Variants in CDC42EP4 observed in about 807,000 individuals in gnomAD.
CDC42EP4 encodes the protein CDC42 effector protein (Rho GTPase binding) 4.
CDC42EP4 carries 6 observed loss-of-function variants against 5.6 expected under a neutral mutation model. The observed-to-expected ratio is 1.07, with a 90% CI of 0.59 to 2.12. CDC42EP4 has a LOEUF of 2.12. Ranked by LOEUF, CDC42EP4 falls within the 30% of genes most tolerant of loss-of-function variation. The probability of loss-of-function intolerance (pLI) is 0.00; values close to 1 mark genes in which losing one functional copy is unlikely to be tolerated. For missense variants in CDC42EP4, 490 were observed against 508.6 expected, an observed-to-expected ratio of 0.96 and a Z score of 0.35; for synonymous variants, 230 against 224.2, an observed-to-expected ratio of 1.03 and a Z score of -0.23.
Position 73,304,272 on chromosome 17 carries a change from TTCTTC to T in CDC42EP4, c.-113+7616_-113+7620del, listed in dbSNP as rs201921332. Among the ~76,000 whole-genome samples the T allele has an allele frequency of 5.0e-3, 704 of 141,648 alleles. 7 individuals carry two copies. Among genetic ancestry groups the T allele is most frequent in the African/African-American group, 0.018 (675 of 36,676 alleles). The allele number at this position is 141,648 out of a possible 152,430, so 92.9% of individuals were successfully genotyped here. On this transcript the variant is annotated intron_variant, in intron 1 of 1. Coordinates refer to ENST00000335793, the MANE Select transcript of CDC42EP4 (RefSeq NM_012121.5). The stretch of plus-strand genomic sequence containing the variant: ...TTTGATTAAACTGTCTCTTTTCTTC[TTCTTC>T]TTTTTTTTTTTTTTCCTGAGAGAGG...
intron 1 of CDC42EP4, among the ~76,000 whole-genome samples, chr17:73,300,735 A>G (rs2062214785): frequency 6.6e-6 from 1 of 152,162 alleles, no homozygotes. Flanking sequence ...ATTTATACAC[A>G]TAAAAATAAA....
intron 1 of CDC42EP4, among the ~76,000 whole-genome samples, chr17:73,290,733 C>T (rs576976441): frequency 1.3e-5 from 2 of 152,184 alleles, no homozygotes; most frequent in Non-Finnish European, 2.9e-5. Flanking sequence ...ATGGTCAGAA[C>T]CGGGTGAGAA....
chr17:73,287,236 C>T (rs1161358850), intron 1 of CDC42EP4, among the ~76,000 whole-genome samples: 1 of 152,216 alleles, frequency 6.6e-6, no homozygotes, highest in Non-Finnish European at 1.5e-5. Context: ...CTGGGACCCA[C>T]AGAACCAGCT....
chr17:73,296,229 CAA>C (rs10562107), intron 1 of CDC42EP4, among the ~76,000 whole-genome samples: 35,941 of 138,462 alleles, frequency 0.26, 4,989 homozygotes, highest in Middle Eastern at 0.33. Context: ...ACTAAAAATA[CAA>C]AAAAAAAAAA....
In CDC42EP4 at chr17:73,286,280, G is replaced by A. The variant is rs757263032; in HGVS notation, c.221C>T (p.Ser74Phe). Residue 74 changes from serine (S) to phenylalanine (F), a missense_variant, in exon 2 of 2, where the codon TCC becomes TTC. Physicochemically the swap from Ser to Phe is radical, Grantham distance 155 (BLOSUM62 -2). Coordinates refer to ENST00000335793, the MANE Select transcript of CDC42EP4 (RefSeq NM_012121.5). This position sits in a 1 kb window ranked among gnomAD's most constrained non-coding sequence, Gnocchi z 7.7. ...CTTCCTGGACAGGAGACTGCGTTTG[G>A]AAGATGAAGAAGAGGGCTGTTCGTC... is the stretch of plus-strand genomic sequence containing the variant. ...SLDEQPSSSS[S>F]KRSLLSRKFR... 4 of 1,614,126 alleles carry A rather than the reference G, an allele frequency of 2.5e-6. No individual in the cohort carries two copies. In the African/African-American group the frequency reaches 5.3e-5, roughly 22 times the overall value.
chr17:73,301,974 G>C (rs968198645), intron 1 of CDC42EP4, among the ~76,000 whole-genome samples: 5 of 152,142 alleles, frequency 3.3e-5, no homozygotes, highest in Admixed American at 6.6e-5. Flanking sequence ...ACAGGCGTGA[G>C]CCACCATGCC....
At chr17:73,305,894 G>C (rs908162031) in intron 1 of CDC42EP4, among the ~76,000 whole-genome samples, 4 of 152,124 alleles carry the variant, frequency 2.6e-5, no homozygotes, top group African/African-American at 4.8e-5. Context: ...GGGTTCCCAG[G>C]ATTATCTGAT....
chr17:73,311,151 C>T (rs1391643), intron 1 of CDC42EP4: 100,044 of 152,090 alleles, frequency 0.66, 32,920 homozygotes, highest in Middle Eastern at 0.68. Context: ...GCCCTCCCCC[C>T]GCACCCCGCC....
At chr17:73,301,169 T>C (rs900292816) in intron 1 of CDC42EP4, among the ~76,000 whole-genome samples, 4 of 152,242 alleles carry the variant, frequency 2.6e-5, no homozygotes, top group Non-Finnish European at 5.9e-5. Context: ...AATATCTCAT[T>C]AATATTTTAG....
In CDC42EP4 at chr17:73,285,414, C is replaced by T. The variant is rs2062126414; in HGVS notation, c.*16G>A. 2.0e-6 allele frequency: 3 copies of T among 1,531,958 alleles called. No individual in the cohort carries two copies. Among genetic ancestry groups the T allele is most frequent in the Non-Finnish European group, 2.6e-6 (3 of 1,133,130 alleles). 94.9% of individuals were successfully genotyped at this position (1,531,958 alleles called of 1,614,324 possible). The stretch of plus-strand genomic sequence containing the variant: ...AGATGCAGCCAAGAGCTCCCGGTGG[C>T]CACCCACTGTCCGCCTCACACACGG... On this transcript the variant is annotated 3_prime_UTR_variant, in exon 2 of 2. Transcript: ENST00000335793. This position sits in a 1 kb window ranked among gnomAD's most constrained non-coding sequence, Gnocchi z 6.8.
At chr17:73,305,014 G>C (rs1032775785) in intron 1 of CDC42EP4, among the ~76,000 whole-genome samples, 1 of 152,184 alleles carries the variant, frequency 6.6e-6, no homozygotes, top group African/African-American at 2.4e-5. Context: ...CAGGCCAGGG[G>C]AGAAGCAGGT....
chr17:73,290,638 T>C (rs1364204795), intron 1 of CDC42EP4, among the ~76,000 whole-genome samples: 2 of 152,260 alleles, frequency 1.3e-5, no homozygotes, highest in East Asian at 1.9e-4. Context: ...AACAGCAGCC[T>C]TGAGTGAGAA....
At chr17:73,311,326 C>T (rs922604774) in intron 1 of CDC42EP4, 1 of 152,712 alleles carries the variant, frequency 6.5e-6, no homozygotes, top group African/African-American at 2.4e-5. Context: ...GGCCGGGTGA[C>T]ATTGGGTGGC....
At chr17:73,288,855 CAAACACAAAGT>C (rs2062146717) in intron 1 of CDC42EP4, among the ~76,000 whole-genome samples, 2 of 152,344 alleles carry the variant, frequency 1.3e-5, no homozygotes, top group South Asian at 4.1e-4. Context: ...ATCATTCCAG[CAAACACAAAGT>C]TCTCTCGGGC....
At chr17:73,297,476 A>C (rs1237431771) in intron 1 of CDC42EP4, among the ~76,000 whole-genome samples, 2 of 152,098 alleles carry the variant, frequency 1.3e-5, no homozygotes, top group African/African-American at 4.8e-5. Context: ...TCTGTCTCAA[A>C]AAAAATAAAT....
rs147704004 is a variant in CDC42EP4, at chr17:73,285,437, C to T, written c.1064G>A (p.Arg355His). The change falls in exon 2 of 2, where the codon CGT (arginine) becomes CAT (histidine). Residue 355 changes from arginine to histidine, a missense_variant. By Grantham distance (29) the Arg-to-His change is conservative. Transcript: ENST00000335793. This position sits in a 1 kb window ranked among gnomAD's most constrained non-coding sequence, Gnocchi z 6.8. Reference sequence around the variant, plus strand: ...GGCCACCCACTGTCCGCCTCACACACGGATTTCATCCTCCTCCTCCTCATC... The same window carrying T: ...GGCCACCCACTGTCCGCCTCACACATGGATTTCATCCTCCTCCTCCTCATC... Reference protein sequence around the residue: ...FMDEEEEDEIRV With the variant: ...FMDEEEEDEIHV 1.7e-5 allele frequency: 27 copies of T among 1,548,660 alleles called. No individual in the cohort carries two copies. Among genetic ancestry groups the T allele is most frequent in the African/African-American group, 5.5e-5 (4 of 73,384 alleles).
intron 1 of CDC42EP4, among the ~76,000 whole-genome samples, chr17:73,296,174 A>G (rs1435961673): frequency 1.3e-5 from 2 of 150,700 alleles, no homozygotes; most frequent in Non-Finnish European, 2.9e-5. Context: ...CCACGACGTC[A>G]GGAGTTTGAG....
At chr17:73,303,968 T>C (rs1454034912) in intron 1 of CDC42EP4, among the ~76,000 whole-genome samples, 2 of 152,210 alleles carry the variant, frequency 1.3e-5, no homozygotes, top group Non-Finnish European at 2.9e-5. Context: ...CTGGAAGATA[T>C]AGCATAAGGA....
At chr17:73,301,268 A>AT (rs2062218047) in intron 1 of CDC42EP4, among the ~76,000 whole-genome samples, 1 of 152,210 alleles carries the variant, frequency 6.6e-6, no homozygotes, top group East Asian at 1.9e-4. Context: ...TAAAATATAA[A>AT]TTATGTATGG....
Sources: allele counts gnomAD v4.1 joint callset (sites outside exome capture counted in the v4.1 genomes callset), GRCh38; gene constraint gnomAD v4.1.1; non-coding constraint Gnocchi (gnomAD v3.1); transcripts MANE v1.5; gene names NCBI Gene and HGNC (gene_info 2026-07-23, HGNC 2026-07-21).